Variants in TLDC2 observed in about 807,000 individuals in gnomAD.
TLDC2 encodes TLD domain-containing protein 2.
A neutral mutation model predicts 27.9 loss-of-function variants in TLDC2; 23 were observed. The observed-to-expected ratio is 0.82, with a 90% confidence interval of 0.59 to 1.17. TLDC2 has a LOEUF of 1.17. Among genes scored for constraint, TLDC2 ranks in the 50% most tolerant of loss-of-function variants. The pLI, the probability that TLDC2 is intolerant of heterozygous loss-of-function variation, is 0.00. For missense variants in TLDC2, 286 were observed against 273.4 expected, an observed-to-expected ratio of 1.05 and a Z score of -0.32; for synonymous variants, 124 against 107.4, an observed-to-expected ratio of 1.16 and a Z score of -0.96.
chr20:36,879,002 G>A lies in TLDC2; in HGVS notation c.190-39G>A, dbSNP rs778759766. 2.4e-5 allele frequency: 39 copies of A among 1,613,682 alleles called. No homozygotes were observed. The Admixed American group carries it at 3.0e-4, about 12-fold the overall frequency. On this transcript the variant is annotated intron_variant, in intron 2 of 6. Coordinates refer to ENST00000217320, the MANE Select transcript of TLDC2 (RefSeq NM_080628.3). ...CCCCCAGGATATGGCAGGAGGGCGC[G>A]AGGAGAACTCCTCCATTCACCTCCA... is the stretch of plus-strand genomic sequence containing the variant.
intron 4 of TLDC2, among the ~76,000 whole-genome samples, chr20:36,884,101 C>G (rs1322792035): frequency 6.6e-6 from 1 of 152,030 alleles, no homozygotes; most frequent in Non-Finnish European, 1.5e-5. Flanking sequence ...CTTAAACAAA[C>G]AAACAAACAA....
chr20:36,880,811 T>G, intron 4 of TLDC2, 61 bp downstream of exon 4: 1 of 1,420,686 alleles, frequency 7.0e-7, no homozygotes, highest in Non-Finnish European at 9.9e-7. Context: ...GCTCCCGGGG[T>G]CCCAGTGGCT....
intron 3 of TLDC2, among the ~76,000 whole-genome samples, chr20:36,880,004 T>G (rs1989763989): frequency 6.7e-6 from 1 of 148,604 alleles, no homozygotes; most frequent in Admixed American, 6.8e-5. Context: ...TGGCTTTACT[T>G]TTTTTCTTTT....
chr20:36,878,447 GGT>G (rs1989725276), intron 2 of TLDC2, among the ~76,000 whole-genome samples: 1 of 152,082 alleles, frequency 6.6e-6, no homozygotes, highest in Non-Finnish European at 1.5e-5. Context: ...CGGGTGTGGT[GGT>G]GTGCACCTGT....
intron 5 of TLDC2, 95 bp from the exon 6 acceptor site, chr20:36,889,156 C>T (rs926351474): frequency 2.4e-5 from 37 of 1,529,286 alleles, no homozygotes; most frequent in Admixed American, 3.9e-5. Context: ...ACTGGGCTGC[C>T]GTCCTGGCAT....
rs1482302600 is a variant in TLDC2 at position 36,893,198 on chromosome 20, G to T, written c.*354G>T. The T allele has an allele frequency of 4.4e-6, 5 of 1,125,918 alleles. No individual in the cohort carries two copies. The Admixed American group carries it at 9.7e-5, about 22-fold the overall frequency. 69.7% of individuals were successfully genotyped at this position (1,125,918 alleles called of 1,614,324 possible). Reference sequence around the variant, plus strand: ...TGCTTCTAGCTGTCCTCAATCCAGGGAAACTCCAAATTACATATGCCCTGT... The same window carrying T: ...TGCTTCTAGCTGTCCTCAATCCAGGTAAACTCCAAATTACATATGCCCTGT... On this transcript the variant is annotated 3_prime_UTR_variant, in exon 7 of 7. Coordinates refer to ENST00000217320, the MANE Select transcript of TLDC2 (RefSeq NM_080628.3).
Position 36,879,027 on chromosome 20 carries a change from A to T in TLDC2, c.190-14A>T, listed in dbSNP as rs1365077260. ...GAGGAGAACTCCTCCATTCACCTCCAACCCTGTCCCCAGCTCAGCTTTCAC... is the reference window on the plus strand; with the variant it reads ...GAGGAGAACTCCTCCATTCACCTCCTACCCTGTCCCCAGCTCAGCTTTCAC... On this transcript the variant is annotated splice_polypyrimidine_tract_variant and intron_variant, in intron 2 of 6. Coordinates refer to ENST00000217320, the MANE Select transcript of TLDC2 (RefSeq NM_080628.3). 1.2e-6 allele frequency: 2 copies of T among 1,614,132 alleles called. No homozygotes were observed. Among genetic ancestry groups the T allele is most frequent in the South Asian group, 2.2e-5 (2 of 91,082 alleles).
At chr20:36,884,654 A>C (rs1989881844) in intron 4 of TLDC2, among the ~76,000 whole-genome samples, 1 of 151,828 alleles carries the variant, frequency 6.6e-6, no homozygotes, top group East Asian at 1.9e-4. Flanking sequence ...GCTACCCCTG[A>C]GGCTGGGGCA....
chr20:36,877,380 C>T (rs867552722), intron 1 of TLDC2, among the ~76,000 whole-genome samples: 3 of 94,688 alleles, frequency 3.2e-5, no homozygotes, highest in East Asian at 3.6e-4. Context: ...GACCCTGTCT[C>T]AAAAAAAAAA....
In TLDC2 at chr20:36,894,194, G is replaced by C. The variant is rs987040004; in HGVS notation, c.*1350G>C. ...TAAATTTTTTCTGTTGAACTACACT[G>C]GATCTGACTTGATAGAACTATTAAA... On this transcript the variant is annotated 3_prime_UTR_variant, in exon 7 of 7. Transcript: ENST00000217320. 1.9e-5 allele frequency: 7 copies of C among 377,296 alleles called. No individual in the cohort carries two copies. The highest frequency in any genetic ancestry group is 3.3e-5 in the Non-Finnish European group (7 of 213,818). The allele number at this position is 377,296 out of a possible 1,614,324, so 23.4% of individuals were successfully genotyped here. A position where few individuals can be genotyped will look rare whatever the true frequency, so the allele number is the denominator to read the frequency against.
chr20:36,881,471 G>GGAA (rs1434383107), intron 4 of TLDC2, among the ~76,000 whole-genome samples: 2 of 152,190 alleles, frequency 1.3e-5, no homozygotes, highest in Non-Finnish European at 2.9e-5. Flanking sequence ...GGGAAGGGAG[G>GGAA]GAAGCCTGCT....
intron 6 of TLDC2, chr20:36,889,927 G>A (rs1372274155): frequency 6.6e-6 from 1 of 152,190 alleles, no homozygotes; most frequent in Non-Finnish European, 1.5e-5. Flanking sequence ...GTGTGTGTGT[G>A]TGTATACTTA....
chr20:36,885,790 C>A (rs1322627435), intron 4 of TLDC2, among the ~76,000 whole-genome samples: 1 of 152,090 alleles, frequency 6.6e-6, no homozygotes, highest in East Asian at 1.9e-4. Context: ...TATATATGTT[C>A]CAGGAATACA....
At chr20:36,882,535 A>AT (rs1398914836) in intron 4 of TLDC2, among the ~76,000 whole-genome samples, 8 of 146,198 alleles carry the variant, frequency 5.5e-5, no homozygotes, top group African/African-American at 1.0e-4. Flanking sequence ...TCTTAAAAAA[A>AT]ATTTTTTTTT....
At position 36,879,107 on chromosome 20, in the gene TLDC2, G is replaced by C. The variant is rs1299538735; in HGVS notation, c.256G>C (p.Asp86His). The C allele has an allele frequency of 6.2e-7, 1 of 1,614,146 alleles. No homozygotes were observed. Among genetic ancestry groups the C allele is most frequent in the Admixed American group, 1.7e-5 (1 of 60,016 alleles). The change falls in exon 3 of 7, where the codon GAC (aspartate) becomes CAC (histidine). Residue 86 changes from aspartate to histidine, a missense_variant. Coordinates refer to ENST00000217320, the MANE Select transcript of TLDC2 (RefSeq NM_080628.3). ...GAGTCTGGTCTTCTGCACGTCAAGGGACGGTTTCAGCCTGCAGAGCCTGTA... is the reference window on the plus strand; with the variant it reads ...GAGTCTGGTCTTCTGCACGTCAAGGCACGGTTTCAGCCTGCAGAGCCTGTA... ...PWSLVFCTSR[D>H]GFSLQSLYRR...
chr20:36,881,650 C>A (rs755179229), intron 4 of TLDC2, among the ~76,000 whole-genome samples: 1 of 152,030 alleles, frequency 6.6e-6, no homozygotes, highest in African/African-American at 2.4e-5. Context: ...TGGCTTAACA[C>A]CGGCAGAGAG....
chr20:36,882,946 C>T (rs1257869467), intron 4 of TLDC2, among the ~76,000 whole-genome samples: 1 of 152,108 alleles, frequency 6.6e-6, no homozygotes, highest in Non-Finnish European at 1.5e-5. Flanking sequence ...CCTCATCTCC[C>T]CAGCCTTTCA....
intron 4 of TLDC2, among the ~76,000 whole-genome samples, chr20:36,885,547 G>A (rs889945830): frequency 6.6e-6 from 1 of 152,146 alleles, no homozygotes; most frequent in Non-Finnish European, 1.5e-5. Flanking sequence ...CAAAGGTCAT[G>A]TCCTTCGAGA....
chr20:36,889,478 G>T (rs758422472), intron 6 of TLDC2, 75 bp downstream of exon 6: 1 of 1,508,182 alleles, frequency 6.6e-7, no homozygotes, highest in East Asian at 2.4e-5. Context: ...AACACAGATG[G>T]TGAAGGGCCC....
Sources: allele counts gnomAD v4.1 joint callset (sites outside exome capture counted in the v4.1 genomes callset), GRCh38; gene constraint gnomAD v4.1.1; transcripts MANE v1.5; gene names NCBI Gene and HGNC (gene_info 2026-07-23, HGNC 2026-07-21).